Variants in KLHDC1 observed in about 807,000 individuals in gnomAD.
The protein encoded by KLHDC1 is kelch domain-containing protein 1.
In KLHDC1, 53 loss-of-function variants were observed where a neutral mutation model predicts 68.3. The observed-to-expected ratio is 0.78, with a 90% CI of 0.62 to 0.98. The LOEUF (loss-of-function observed/expected upper bound fraction) is 0.98. KLHDC1 is among the 50% of genes least tolerant of loss of function. The pLI is 0.00. For missense variants in KLHDC1, 470 were observed against 492.3 expected (o/e 0.95, Z 0.43); for synonymous variants, 148 against 159.0 (o/e 0.93, Z 0.52).
chr14:49,747,341 G>C (rs1209752057), intron 12 of KLHDC1, among the ~76,000 whole-genome samples: 4 of 152,122 alleles, frequency 2.6e-5, no homozygotes, highest in African/African-American at 4.8e-5. Context: ...GTTAGTGAAG[G>C]GTGACTTCTG....
At chr14:49,711,696 C>G (rs532650134) in intron 4 of KLHDC1, among the ~76,000 whole-genome samples, 2 of 151,992 alleles carry the variant, frequency 1.3e-5, no homozygotes, top group African/African-American at 4.8e-5. Context: ...GCCATCAACT[C>G]TGTTATTTGA....
chr14:49,695,879 A>G (rs1271973283), intron 1 of KLHDC1, among the ~76,000 whole-genome samples: 3 of 152,146 alleles, frequency 2.0e-5, no homozygotes, highest in East Asian at 3.9e-4. Flanking sequence ...CCTGGCTAAC[A>G]TGGTGAAACC....
At chr14:49,694,128 C>T (rs879635206) in intron 1 of KLHDC1, among the ~76,000 whole-genome samples, 3 of 151,904 alleles carry the variant, frequency 2.0e-5, no homozygotes, top group Non-Finnish European at 4.4e-5. Flanking sequence ...TCAAAATAGA[C>T]GCATGTTAGC....
At chr14:49,705,591 G>A (rs752299185) in intron 1 of KLHDC1, among the ~76,000 whole-genome samples, 3 of 151,522 alleles carry the variant, frequency 2.0e-5, no homozygotes, top group Admixed American at 6.6e-5. Flanking sequence ...GGCTGCTCTC[G>A]AACTCCTGAC....
intron 10 of KLHDC1, among the ~76,000 whole-genome samples, chr14:49,739,252 G>A (rs772372323): frequency 1.3e-5 from 2 of 152,292 alleles, no homozygotes; most frequent in East Asian, 1.9e-4. Flanking sequence ...CATAGGGGAA[G>A]CAAGGGAATG....
chr14:49,723,615 A>G (rs1170751506), intron 4 of KLHDC1, among the ~76,000 whole-genome samples: 1 of 152,204 alleles, frequency 6.6e-6, no homozygotes, highest in Non-Finnish European at 1.5e-5. Context: ...GTTTCTTCTT[A>G]CAAGCCCTGT....
chr14:49,730,189 A>G (rs1888767266), intron 8 of KLHDC1, among the ~76,000 whole-genome samples: 1 of 151,820 alleles, frequency 6.6e-6, no homozygotes, highest in South Asian at 2.1e-4. Context: ...AAATTGTAAA[A>G]TGCAAACAAA....
chr14:49,714,246 C>A (rs539117550), intron 4 of KLHDC1, among the ~76,000 whole-genome samples: 1 of 148,476 alleles, frequency 6.7e-6, no homozygotes, highest in Non-Finnish European at 1.5e-5. Context: ...GGCCGAGGCG[C>A]GCAGATCACA....
chr14:49,729,139 T>C, intron 7 of KLHDC1, 130 bp downstream of exon 7: 1 of 651,404 alleles, frequency 1.5e-6, no homozygotes, highest in Non-Finnish European at 2.7e-6. Flanking sequence ...ACTAATTTTA[T>C]TTATCTTCTA....
intron 7 of KLHDC1, 68 bp downstream of exon 7, chr14:49,729,077 T>A: frequency 9.5e-7 from 1 of 1,055,986 alleles, no homozygotes; most frequent in Non-Finnish European, 1.5e-6. Flanking sequence ...TCCTCTGATT[T>A]CGTGGAATAA....
rs115463420 is a variant in KLHDC1, at chr14:49,703,100, A to G, written c.97-6059A>G. ...ATATATATACAATAGAATGTATAAA[A>G]TAAGTATTATTTAAATATAAACAAC... is the stretch of plus-strand genomic sequence containing the variant. On this transcript the variant is annotated intron_variant, in intron 1 of 12. Coordinates refer to ENST00000359332, the MANE Select transcript of KLHDC1 (RefSeq NM_172193.3). 3.5e-3 allele frequency among the ~76,000 whole-genome samples: 526 copies of G among 152,188 alleles called. 4 individuals carry two copies. Among genetic ancestry groups the G allele is most frequent in the African/African-American group, 0.012 (503 of 41,568 alleles).
chr14:49,728,878 T>A, intron 6 of KLHDC1, 48 bp from the exon 7 acceptor site: 1 of 1,260,400 alleles, frequency 7.9e-7, no homozygotes, highest in Non-Finnish European at 1.2e-6. Context: ...TGTAACTTTA[T>A]TACAGATATT....
chr14:49,699,763 A>T (rs1023541067), intron 1 of KLHDC1, among the ~76,000 whole-genome samples: 2 of 152,196 alleles, frequency 1.3e-5, no homozygotes, highest in Non-Finnish European at 2.9e-5. Context: ...TAAGAGTGAT[A>T]ATATCAAAAA....
In KLHDC1 at chr14:49,725,667, T is replaced by A; in HGVS notation, c.484-19T>A. On this transcript the variant is annotated intron_variant, in intron 5 of 12. Transcript: ENST00000359332. Reference sequence around the variant, plus strand: ...AAAATTATTAAAGCTTTGAGATATTTAAAACATTTCTCTTTTAGGAAGAGC... The same window carrying A: ...AAAATTATTAAAGCTTTGAGATATTAAAAACATTTCTCTTTTAGGAAGAGC... 1 of 1,283,978 alleles carries A rather than the reference T, an allele frequency of 7.8e-7. No individual in the cohort carries two copies. The highest frequency in any genetic ancestry group is 1.1e-6 in the Non-Finnish European group (1 of 906,512). 79.5% of individuals were successfully genotyped at this position (1,283,978 alleles called of 1,614,324 possible).
chr14:49,724,147 A>G (rs1488177144), intron 5 of KLHDC1, among the ~76,000 whole-genome samples, 195 bp downstream of exon 5: 1 of 152,244 alleles, frequency 6.6e-6, no homozygotes, highest in Non-Finnish European at 1.5e-5. Flanking sequence ...ATTAGCCTTC[A>G]TGGCTATTGG....
intron 5 of KLHDC1, among the ~76,000 whole-genome samples, chr14:49,724,478 A>G (rs1345602580): frequency 1.3e-5 from 2 of 152,052 alleles, no homozygotes; most frequent in African/African-American, 4.8e-5. Flanking sequence ...TCCTACCACC[A>G]AGATGCAGTC....
At chr14:49,715,757 A>ATATATAT (rs1206512681) in intron 4 of KLHDC1, among the ~76,000 whole-genome samples, 14 of 123,584 alleles carry the variant, frequency 1.1e-4, no homozygotes, top group African/African-American at 4.3e-4. Context: ...AAAAAAAAAA[A>ATATATAT]AAAAAAAAAT....
chr14:49,704,541 C>T (rs183956746), intron 1 of KLHDC1, among the ~76,000 whole-genome samples: 1 of 151,494 alleles, frequency 6.6e-6, no homozygotes, highest in East Asian at 1.9e-4. Flanking sequence ...TTACAGGCAC[C>T]CGCCACCATG....
chr14:49,699,484 T>C (rs968381250), intron 1 of KLHDC1, among the ~76,000 whole-genome samples: 1 of 151,952 alleles, frequency 6.6e-6, no homozygotes, highest in Non-Finnish European at 1.5e-5. Context: ...CTAACAATTA[T>C]CTTATTCCGA....
Sources: allele counts gnomAD v4.1 joint callset (sites outside exome capture counted in the v4.1 genomes callset), GRCh38; gene constraint gnomAD v4.1.1; transcripts MANE v1.5; gene names NCBI Gene and HGNC (gene_info 2026-07-23, HGNC 2026-07-21).